Variants in RAP1GAP observed in about 807,000 individuals in gnomAD.
RAP1GAP encodes rap1 GTPase-activating protein 1.
In RAP1GAP, 35 loss-of-function variants were observed where a neutral mutation model predicts 87.2. The ratio of observed to expected loss-of-function variants is 0.40; its 90% confidence interval spans 0.31 to 0.53. RAP1GAP has a LOEUF of 0.53. Ranked by LOEUF, RAP1GAP falls within the 20% of genes least tolerant of loss-of-function variation. The pLI, the probability that RAP1GAP is intolerant of heterozygous loss-of-function variation, is 0.48. For synonymous variants in RAP1GAP, 375 were observed against 363.9 expected, an observed-to-expected ratio of 1.03 and a Z score of -0.35; for missense variants, 734 against 898.9, an observed-to-expected ratio of 0.82 and a Z score of 2.35.
chr1:21,599,548 G>C lies in RAP1GAP; in HGVS notation c.1722C>G (p.Ser574Arg). The C allele has an allele frequency of 6.2e-7, 1 of 1,609,822 alleles. No homozygotes were observed. The highest frequency in any genetic ancestry group is 8.5e-7 in the Non-Finnish European group (1 of 1,179,982). Reference protein sequence around the residue: ...DFSRSSSSASSFASVVEETEG... With the variant: ...DFSRSSSSASRFASVVEETEG... ...CCGTCTCCTCCACCACGCTGGCGAA[G>C]CTGCTGGCACTGGACGAGGAGCGGG... The change falls in exon 21 of 25, where the codon AGC (serine) becomes AGG (arginine). Residue 574 changes from serine (S) to arginine (R), a missense_variant. By Grantham distance (110) the Ser-to-Arg change is moderately radical. This residue lies in a region of RAP1GAP where 249 missense variants were observed against 252.7 expected (regional missense o/e 0.99). Transcript: ENST00000374765.
intron 2 of RAP1GAP, among the ~76,000 whole-genome samples, chr1:21,635,635 T>A (rs1199609942): frequency 6.6e-6 from 1 of 152,232 alleles, no homozygotes; most frequent in Non-Finnish European, 1.5e-5. Context: ...TAGCTGGGGC[T>A]GGGGTTGCTG....
At chr1:21,648,961 C>T (rs1382108916) in intron 2 of RAP1GAP, among the ~76,000 whole-genome samples, 1 of 152,150 alleles carries the variant, frequency 6.6e-6, no homozygotes, top group East Asian at 1.9e-4. Flanking sequence ...ACTGCAGGAC[C>T]CACGGACCCC....
intron 2 of RAP1GAP, among the ~76,000 whole-genome samples, chr1:21,642,866 C>T (rs1170462765): frequency 7.1e-6 from 1 of 141,536 alleles, no homozygotes; most frequent in East Asian, 2.0e-4. Context: ...GTGCACCTCC[C>T]TTCCCCACTA....
chr1:21,629,706 C>A (rs16825734), intron 2 of RAP1GAP, among the ~76,000 whole-genome samples: 18,548 of 152,274 alleles, frequency 0.12, 1,345 homozygotes, highest in East Asian at 0.35. Flanking sequence ...GACAAAGCCA[C>A]GTCCTGCCGG....
At chr1:21,621,418 C>T (rs1051100259) in intron 3 of RAP1GAP, among the ~76,000 whole-genome samples, 4 of 152,150 alleles carry the variant, frequency 2.6e-5, no homozygotes, top group Admixed American at 6.5e-5. Flanking sequence ...CCCTCACCCG[C>T]ACACACACAC....
Position 21,626,535 on chromosome 1 carries a change from G to A in RAP1GAP, c.-112-138C>T, listed in dbSNP as rs535340552. On this transcript the variant is annotated intron_variant, in intron 2 of 24. Transcript: ENST00000374765. ...GAGAGGGTCATGGGTTCCCCAAGAG[G>A]AGGGAGAGGAGGGGCTTCATTAGCA... The A allele has an allele frequency of 7.2e-5, 49 of 681,082 alleles. No homozygotes were observed. The East Asian group carries it at 1.2e-3, about 17-fold the overall frequency. The allele number at this position is 681,082 out of a possible 1,614,324, so 42.2% of individuals were successfully genotyped here. A position where few individuals can be genotyped will look rare whatever the true frequency, so the allele number is the denominator to read the frequency against.
Position 21,610,221 on chromosome 1 carries a change from C to T in RAP1GAP, c.898G>A (p.Glu300Lys). ...ATGTCGGGCACGAAAGGAGTGTTCTCATCCTGGAAGACCACAGCCACGATG... is the reference window on the plus strand; with the variant it reads ...ATGTCGGGCACGAAAGGAGTGTTCTTATCCTGGAAGACCACAGCCACGATG... Reference protein sequence around the residue: ...NDIVAVVFQDENTPFVPDMIA... With the variant: ...NDIVAVVFQDKNTPFVPDMIA... Residue 300 changes from glutamate to lysine, a missense_variant, in exon 14 of 25, where the codon GAG (glutamate) becomes AAG (lysine). By Grantham distance (56) the Glu-to-Lys change is moderately conservative. This residue lies in a region of RAP1GAP where 485 missense variants were observed against 646.2 expected (regional missense o/e 0.75). Coordinates refer to ENST00000374765, the MANE Select transcript of RAP1GAP (RefSeq NM_002885.4). 1 of 1,614,154 alleles carries T rather than the reference C, an allele frequency of 6.2e-7. No homozygotes were observed. Among genetic ancestry groups the T allele is most frequent in the Non-Finnish European group, 8.5e-7 (1 of 1,180,020 alleles).
Position 21,669,048 on chromosome 1 carries a change from C to G in RAP1GAP, c.-149+206G>C, listed in dbSNP as rs955330741. ...AGCCGGCTCAGTCCAGGCCTCCCCC[C>G]ACTTCTCCAGCTGCTGTCAAGACCG... is the stretch of plus-strand genomic sequence containing the variant. On this transcript the variant is annotated intron_variant, in intron 1 of 24. Transcript: ENST00000374765. The surrounding 1 kb of genome is among the most constrained non-coding windows in gnomAD (Gnocchi z 5.6). Among the ~76,000 whole-genome samples the G allele has an allele frequency of 3.9e-5, 6 of 151,968 alleles. No individual in the cohort carries two copies. Among genetic ancestry groups the G allele is most frequent in the East Asian group, 2.0e-4 (1 of 5,120 alleles).
chr1:21,611,403 G>A, intron 13 of RAP1GAP, 49 bp downstream of exon 13: 6 of 1,577,618 alleles, frequency 3.8e-6, no homozygotes, highest in Non-Finnish European at 5.2e-6. Context: ...GACAGGTGGA[G>A]GGGGAGGACA....
chr1:21,642,031 C>T (rs1558835762), intron 2 of RAP1GAP, among the ~76,000 whole-genome samples: 2 of 152,332 alleles, frequency 1.3e-5, no homozygotes, highest in Non-Finnish European at 2.9e-5. Flanking sequence ...GCCATGAACA[C>T]CCCCACTGCA....
chr1:21,666,929 G>A (rs1291366789), intron 1 of RAP1GAP, among the ~76,000 whole-genome samples: 1 of 152,204 alleles, frequency 6.6e-6, no homozygotes, highest in Non-Finnish European at 1.5e-5. Flanking sequence ...GTGTACACAC[G>A]TGCCAGCATC....
chr1:21,669,319 C>G lies in RAP1GAP; in HGVS notation c.-214G>C. 8.8e-7 allele frequency: 1 copy of G among 1,138,064 alleles called. No homozygotes were observed. Among genetic ancestry groups the G allele is most frequent in the Non-Finnish European group, 1.1e-6 (1 of 923,856 alleles). 70.5% of individuals were successfully genotyped at this position (1,138,064 alleles called of 1,614,324 possible). Reference sequence around the variant, plus strand: ...GGTGCCCGCGGCCGCCGCTGCAGCTCTGCTCAGATGCGGCCGGCGCTCGCC... The same window carrying G: ...GGTGCCCGCGGCCGCCGCTGCAGCTGTGCTCAGATGCGGCCGGCGCTCGCC... On this transcript the variant is annotated 5_prime_UTR_variant, in exon 1 of 25. Coordinates refer to ENST00000374765, the MANE Select transcript of RAP1GAP (RefSeq NM_002885.4). This position sits in a 1 kb window ranked among gnomAD's most constrained non-coding sequence, Gnocchi z 5.6.
At chr1:21,655,964 C>T (rs1407068185) in intron 1 of RAP1GAP, among the ~76,000 whole-genome samples, 1 of 152,332 alleles carries the variant, frequency 6.6e-6, no homozygotes, top group Non-Finnish European at 1.5e-5. Flanking sequence ...CTCCCCTCCC[C>T]GAGTCATACT....
chr1:21,649,438 CT>C (rs1192026296), intron 2 of RAP1GAP, among the ~76,000 whole-genome samples: 1 of 152,106 alleles, frequency 6.6e-6, no homozygotes. Context: ...TGGTTTTGTT[CT>C]TTTTACCTTA....
At chr1:21,660,978 G>GT (rs766452620) in intron 1 of RAP1GAP, among the ~76,000 whole-genome samples, 109 of 152,292 alleles carry the variant, frequency 7.2e-4, no homozygotes, top group East Asian at 1.9e-4. Flanking sequence ...CTGGGGCGCG[G>GT]TGGCTCATGC....
chr1:21,662,386 C>T (rs1044035468), intron 1 of RAP1GAP, among the ~76,000 whole-genome samples: 5 of 152,186 alleles, frequency 3.3e-5, no homozygotes, highest in Non-Finnish European at 7.3e-5. Flanking sequence ...TGGGCTCCTT[C>T]CCAGCTCTGA....
rs982428787 is a variant in RAP1GAP at position 21,615,595 on chromosome 1, T to C, written c.292-1506A>G. On this transcript the variant is annotated intron_variant, in intron 7 of 24. Coordinates refer to ENST00000374765, the MANE Select transcript of RAP1GAP (RefSeq NM_002885.4). The surrounding 1 kb of genome is among the most constrained non-coding windows in gnomAD (Gnocchi z 4.5). ...TTGTTAGAGATGGGGTTCTGCCATGTTGCTCAGGCTGGTCTTGAACTTCTG... is the reference window on the plus strand; with the variant it reads ...TTGTTAGAGATGGGGTTCTGCCATGCTGCTCAGGCTGGTCTTGAACTTCTG... Among the ~76,000 whole-genome samples, 1 of 152,154 alleles carries C rather than the reference T, an allele frequency of 6.6e-6. No homozygotes were observed. The highest frequency in any genetic ancestry group is 1.5e-5 in the Non-Finnish European group (1 of 68,024).
chr1:21,626,482 G>A, intron 2 of RAP1GAP, 85 bp from the exon 3 acceptor site: 2 of 1,113,600 alleles, frequency 1.8e-6, no homozygotes, highest in Non-Finnish European at 2.7e-6. Context: ...AGAGCTGGGG[G>A]ATGTGAGGGA....
chr1:21,664,328 G>A (rs773605683), intron 1 of RAP1GAP, among the ~76,000 whole-genome samples: 2 of 152,188 alleles, frequency 1.3e-5, no homozygotes, highest in Non-Finnish European at 2.9e-5. Context: ...AACTACGCCA[G>A]GTGGTTCCTC....
Sources: gnomAD v4.1 joint callset for allele counts (sites outside exome capture counted in the v4.1 genomes callset) on GRCh38, gnomAD v4.1.1 for gene constraint, gnomAD v4.1.1 regional missense constraint, Gnocchi (gnomAD v3.1) non-coding constraint, MANE v1.5 for transcripts, NCBI Gene and HGNC (gene_info 2026-07-23, HGNC 2026-07-21) for gene names.